Variants in SAMD8 observed in about 807,000 individuals in gnomAD.
SAMD8 encodes the protein sterile alpha motif domain containing 8.
SAMD8 carries 20 observed loss-of-function variants against 42.0 expected under a neutral mutation model. The observed-to-expected ratio is 0.48, with a 90% CI of 0.34 to 0.69. The LOEUF (loss-of-function observed/expected upper bound fraction) is 0.69. Among genes scored for constraint, SAMD8 ranks in the 30% least tolerant of loss-of-function variants. The pLI, the probability that SAMD8 is intolerant of heterozygous loss-of-function variation, is 0.01. For synonymous variants in SAMD8, 162 were observed against 173.0 expected, an observed-to-expected ratio of 0.94 and a Z score of 0.50; for missense variants, 328 against 511.6, an observed-to-expected ratio of 0.64 and a Z score of 3.46.
In SAMD8 at chr10:75,181,135, C is replaced by T. The variant is rs968407531; in HGVS notation, c.*4443C>T. On this transcript the variant is annotated 3_prime_UTR_variant, in exon 6 of 6. Transcript: ENST00000542569. ...CAAGAAAGCTGTCTTGTAGAATAGTCCAATTGCTTTCTTAAACAGTACTGG... is the reference window on the plus strand; with the variant it reads ...CAAGAAAGCTGTCTTGTAGAATAGTTCAATTGCTTTCTTAAACAGTACTGG... 2 of 152,126 alleles carry T rather than the reference C, an allele frequency of 1.3e-5. No individual in the cohort carries two copies. Among genetic ancestry groups the T allele is most frequent in the Non-Finnish European group, 2.9e-5 (2 of 68,024 alleles). 9.4% of individuals were successfully genotyped at this position (152,126 alleles called of 1,614,324 possible).
chr10:75,101,760 A>C, intron 1 of SAMD8: 4 of 713,334 alleles, frequency 5.6e-6, no homozygotes, highest in Admixed American at 2.1e-5. Context: ...TCTCTACCCA[A>C]CCCAAACCCC....
At chr10:75,112,484 G>T (rs1307603471) in intron 1 of SAMD8, among the ~76,000 whole-genome samples, 1 of 152,208 alleles carries the variant, frequency 6.6e-6, no homozygotes, top group Non-Finnish European at 1.5e-5. Context: ...ATCATTTTAA[G>T]AATCTTGGGT....
At chr10:75,109,979 C>T (rs1848725332), upstream of SAMD8, among the ~76,000 whole-genome samples, 1 of 152,082 alleles carries the variant, frequency 6.6e-6, no homozygotes, top group African/African-American at 2.4e-5. Context: ...CACCATGCCA[C>T]ACTAATTTTT....
chr10:75,165,826 A>T (rs961791522), intron 3 of SAMD8, among the ~76,000 whole-genome samples: 3 of 151,660 alleles, frequency 2.0e-5, no homozygotes, highest in Non-Finnish European at 4.4e-5. Flanking sequence ...AAATTTAAAG[A>T]TTAACCAGGT....
At position 75,180,877 on chromosome 10, in the gene SAMD8, T is replaced by G. The variant is rs992214650; in HGVS notation, c.*4185T>G. ...CAAAGTCATATTTATAACACTAGTC[T>G]TCTTTGACTGTATTCAACAAAAGGC... On this transcript the variant is annotated 3_prime_UTR_variant, in exon 6 of 6. Transcript: ENST00000542569. The G allele has an allele frequency of 1.3e-5, 2 of 152,236 alleles. No individual in the cohort carries two copies. Among genetic ancestry groups the G allele is most frequent in the African/African-American group, 4.8e-5 (2 of 41,458 alleles). The allele number at this position is 152,236 out of a possible 1,614,324, so 9.4% of individuals were successfully genotyped here. A position where few individuals can be genotyped will look rare whatever the true frequency, so the allele number is the denominator to read the frequency against.
chr10:75,171,848 A>G (rs1347212883), intron 4 of SAMD8, among the ~76,000 whole-genome samples: 1 of 152,034 alleles, frequency 6.6e-6, no homozygotes, highest in African/African-American at 2.4e-5. Flanking sequence ...AACATGATGA[A>G]ACCCCATCTC....
In SAMD8 at chr10:75,159,063, C is replaced by CTTTTTTTTTTT. The variant is rs530043259; in HGVS notation, c.579-5579_579-5569dup. Among the ~76,000 whole-genome samples, 10 of 133,464 alleles carry CTTTTTTTTTTT rather than the reference C, an allele frequency of 7.5e-5. 1 individual carries two copies. The highest frequency in any genetic ancestry group is 2.6e-4 in the African/African-American group (9 of 34,402). 87.6% of individuals were successfully genotyped at this position (133,464 alleles called of 152,430 possible). ...TGTAGACAAATTTTTTTTTCTTTTT[C>CTTTTTTTTTTT]TTTTTTTTTTTTTGAGACAGAGTCT... On this transcript the variant is annotated intron_variant, in intron 2 of 5. Transcript: ENST00000542569.
chr10:75,176,624 G>A lies in SAMD8; in HGVS notation c.1180G>A (p.Gly394Ser). 2 of 1,549,768 alleles carry A rather than the reference G, an allele frequency of 1.3e-6. No individual in the cohort carries two copies. Among genetic ancestry groups the A allele is most frequent in the South Asian group, 1.2e-5 (1 of 83,832 alleles). ...MFSFFECNVN[G>S]TVPNEYCWPF... ...CTCTTTTTTTGAATGCAATGTTAAT[G>A]GCACAGTACCTAATGAATATTGTTG... The change falls in exon 6 of 6, where the codon GGC becomes AGC. Residue 394 changes from glycine to serine, a missense_variant. This residue lies in a region of SAMD8 where 178 missense variants were observed against 325.6 expected (regional missense o/e 0.55). Coordinates refer to ENST00000542569, the MANE Select transcript of SAMD8 (RefSeq NM_001174156.2). The surrounding 1 kb of genome is among the most constrained non-coding windows in gnomAD (Gnocchi z 4.3).
chr10:75,137,040 A>T (rs186516997), intron 1 of SAMD8, among the ~76,000 whole-genome samples: 31 of 152,342 alleles, frequency 2.0e-4, no homozygotes, highest in Middle Eastern at 3.4e-3. Context: ...AAAATTTAGC[A>T]GAATTACTGT....
At chr10:75,134,647 G>T (rs530549926) in intron 1 of SAMD8, among the ~76,000 whole-genome samples, 16 of 152,016 alleles carry the variant, frequency 1.1e-4, no homozygotes, top group African/African-American at 3.9e-4. Context: ...CCAAAAAAAA[G>T]ATTACAGTTA....
chr10:75,153,148 A>G (rs1840329974), intron 2 of SAMD8, among the ~76,000 whole-genome samples: 1 of 151,816 alleles, frequency 6.6e-6, no homozygotes, highest in African/African-American at 2.4e-5. Flanking sequence ...CGACCGGCTA[A>G]TTTTTGTATA....
At chr10:75,105,077 A>C (rs1175340382) in intron 1 of SAMD8, among the ~76,000 whole-genome samples, 1 of 152,130 alleles carries the variant, frequency 6.6e-6, no homozygotes, top group Non-Finnish European at 1.5e-5. Flanking sequence ...GTTGTAGAGG[A>C]AGCAGAGGTG....
chr10:75,174,722 C>T (rs184812758), intron 4 of SAMD8, among the ~76,000 whole-genome samples: 3 of 152,032 alleles, frequency 2.0e-5, no homozygotes, highest in Non-Finnish European at 4.4e-5. Flanking sequence ...CGTGAGCCAC[C>T]GCACCCTGCA....
At chr10:75,104,162 T>G in intron 1 of SAMD8, 1 of 1,199,496 alleles carries the variant, frequency 8.3e-7, no homozygotes, top group Non-Finnish European at 1.1e-6. Flanking sequence ...CTGGGACTTG[T>G]TGGGGCAGGG....
chr10:75,108,228 G>A (rs1848635869), upstream of SAMD8: 3 of 1,577,356 alleles, frequency 1.9e-6, no homozygotes, highest in East Asian at 4.5e-5. Context: ...GGCAGGAAGG[G>A]CACTTGATGC....
intron 2 of SAMD8, among the ~76,000 whole-genome samples, chr10:75,160,998 G>T (rs1256204072): frequency 6.6e-6 from 1 of 152,126 alleles, no homozygotes; most frequent in African/African-American, 2.4e-5. Flanking sequence ...ATCCCAGGAG[G>T]TGGAGGTTGC....
chr10:75,144,037 G>A (rs895392022), intron 1 of SAMD8, among the ~76,000 whole-genome samples: 3 of 149,048 alleles, frequency 2.0e-5, no homozygotes, highest in Admixed American at 6.8e-5. Flanking sequence ...GCACGATCTC[G>A]GCTCACTGCA....
intron 1 of SAMD8, among the ~76,000 whole-genome samples, chr10:75,119,357 A>C (rs572296312): frequency 6.6e-6 from 1 of 152,192 alleles, no homozygotes; most frequent in East Asian, 1.9e-4. Flanking sequence ...GGGTTTCTCC[A>C]TGTTGGTCAG....
chr10:75,124,281 A>G (rs1411858242), intron 1 of SAMD8, among the ~76,000 whole-genome samples: 1 of 152,064 alleles, frequency 6.6e-6, no homozygotes, highest in East Asian at 1.9e-4. Flanking sequence ...TGTCTACTCC[A>G]TCTTCCTGCA....
Sources: gnomAD v4.1 joint callset for allele counts (sites outside exome capture counted in the v4.1 genomes callset) on GRCh38, gnomAD v4.1.1 for gene constraint, gnomAD v4.1.1 regional missense constraint, Gnocchi (gnomAD v3.1) non-coding constraint, MANE v1.5 for transcripts, NCBI Gene and HGNC (gene_info 2026-07-23, HGNC 2026-07-21) for gene names.